The following GALNTL6 variants were observed in gnomAD, a reference collection of about 807,000 sequenced individuals.
The protein encoded by GALNTL6 is polypeptide N-acetylgalactosaminyltransferase-like 6.
In GALNTL6, 46 loss-of-function variants were observed where a neutral mutation model predicts 73.7. The ratio of observed to expected loss-of-function variants is 0.62; its 90% CI spans 0.49 to 0.80. The LOEUF is 0.80. Ranked by LOEUF, GALNTL6 falls within the 30% of genes least tolerant of loss-of-function variation. The pLI is 0.00. For synonymous variants in GALNTL6, 259 were observed against 263.7 expected (o/e 0.98, Z 0.17); for missense variants, 604 against 755.0 (o/e 0.80, Z 2.34).
Position 171,874,301 on chromosome 4 carries a change from C to T in GALNTL6, c.138+59583C>T, listed in dbSNP as rs189213672. Among the ~76,000 whole-genome samples, 732 of 152,240 alleles carry T rather than the reference C, an allele frequency of 4.8e-3. 6 individuals carry two copies. The highest frequency in any genetic ancestry group is 0.017 in the African/African-American group (713 of 41,554). On this transcript the variant is annotated intron_variant, in intron 2 of 12. Coordinates refer to ENST00000506823, the MANE Select transcript of GALNTL6 (RefSeq NM_001034845.3). ...CACGGCAACCTCCGCCTCCCAGGTT[C>T]AAGTGATTCTCCTGAGTAGCTGGGA...
intron 2 of GALNTL6, among the ~76,000 whole-genome samples, chr4:171,939,368 G>C (rs1008954850): frequency 6.6e-6 from 1 of 151,198 alleles, no homozygotes; most frequent in Non-Finnish European, 1.5e-5. Flanking sequence ...ACTATTCTTG[G>C]GTATTAGATA....
intron 2 of GALNTL6, among the ~76,000 whole-genome samples, chr4:171,942,332 G>A (rs2111015674): frequency 6.6e-6 from 1 of 152,082 alleles, no homozygotes; most frequent in South Asian, 2.1e-4. Flanking sequence ...TGCATAACAG[G>A]AAGGTTGGTA....
At chr4:171,864,875 C>A (rs935426243) in intron 2 of GALNTL6, among the ~76,000 whole-genome samples, 1 of 151,780 alleles carries the variant, frequency 6.6e-6, no homozygotes, top group Admixed American at 6.6e-5. Flanking sequence ...AAAATGGGAG[C>A]CAGTGAAAAG....
chr4:172,167,602 C>A (rs1419246217), intron 2 of GALNTL6, among the ~76,000 whole-genome samples: 1 of 152,086 alleles, frequency 6.6e-6, no homozygotes, highest in East Asian at 1.9e-4. Context: ...GTAAATGGAG[C>A]AAAAATTATA....
intron 2 of GALNTL6, among the ~76,000 whole-genome samples, chr4:172,137,463 G>C (rs376539248): frequency 1.2e-4 from 19 of 152,132 alleles, no homozygotes; most frequent in African/African-American, 4.3e-4. Flanking sequence ...CAGATAAATT[G>C]ACTGAAAGTT....
At chr4:171,824,043 T>TA (rs1734755605) in intron 2 of GALNTL6, among the ~76,000 whole-genome samples, 1 of 146,690 alleles carries the variant, frequency 6.8e-6, no homozygotes, top group Non-Finnish European at 1.5e-5. Context: ...GACACTGTAT[T>TA]AAACTGCTCT....
chr4:171,841,046 T>C (rs567466677), intron 2 of GALNTL6, among the ~76,000 whole-genome samples: 2 of 152,322 alleles, frequency 1.3e-5, no homozygotes, highest in African/African-American at 4.8e-5. Context: ...GAACCTCCGG[T>C]ACTTGTACCA....
intron 5 of GALNTL6, among the ~76,000 whole-genome samples, chr4:172,588,297 A>G (rs1390154538): frequency 2.0e-5 from 3 of 152,120 alleles, no homozygotes; most frequent in Admixed American, 2.0e-4. Context: ...AAGACACATT[A>G]AAAAAGATCT....
chr4:172,895,167 G>A (rs1220675774), intron 8 of GALNTL6, among the ~76,000 whole-genome samples: 2 of 151,104 alleles, frequency 1.3e-5, no homozygotes, highest in Admixed American at 1.3e-4. Context: ...CTTTTAATTG[G>A]AGAATTTAAT....
chr4:172,926,802 G>T (rs887402733), intron 8 of GALNTL6, among the ~76,000 whole-genome samples: 3 of 152,110 alleles, frequency 2.0e-5, no homozygotes, highest in Non-Finnish European at 2.9e-5. Flanking sequence ...AACACCTGCT[G>T]TCTAATTACT....
chr4:173,000,578 A>G lies in GALNTL6; in HGVS notation c.1372-8600A>G, dbSNP rs140595661. Among the ~76,000 whole-genome samples the G allele has an allele frequency of 3.9e-5, 6 of 152,334 alleles. No individual in the cohort carries two copies. The East Asian group carries it at 1.2e-3, about 29-fold the overall frequency. On this transcript the variant is annotated intron_variant, in intron 10 of 12. Transcript: ENST00000506823. The stretch of plus-strand genomic sequence containing the variant: ...ATCCTAAAATTTATATGGAATCTCA[A>G]AGGAACCTGAATAATGAAAACAATC...
chr4:172,139,430 G>T (rs1349917539), intron 2 of GALNTL6, among the ~76,000 whole-genome samples: 2 of 152,142 alleles, frequency 1.3e-5, no homozygotes, highest in Non-Finnish European at 2.9e-5. Context: ...TAACAGAACT[G>T]TTGAAAAACC....
intron 2 of GALNTL6, among the ~76,000 whole-genome samples, chr4:171,882,618 AAGCCGAAG>A (rs1736481459): frequency 1.3e-5 from 2 of 152,158 alleles, no homozygotes; most frequent in Admixed American, 1.3e-4. Context: ...AAGAGTCCAA[AAGCCGAAG>A]AGCTTAGAGT....
At chr4:173,027,365 G>T (rs1350409269) in intron 12 of GALNTL6, among the ~76,000 whole-genome samples, 1 of 152,178 alleles carries the variant, frequency 6.6e-6, no homozygotes, top group Non-Finnish European at 1.5e-5. Flanking sequence ...GATATATATT[G>T]ATAGAGACAT....
intron 3 of GALNTL6, among the ~76,000 whole-genome samples, chr4:172,265,870 T>G (rs1351361893): frequency 1.3e-5 from 2 of 152,068 alleles, no homozygotes; most frequent in African/African-American, 4.8e-5. Flanking sequence ...GAGACTGTTG[T>G]GATTTACAGC....
At chr4:172,072,902 T>C (rs1731585820) in intron 2 of GALNTL6, among the ~76,000 whole-genome samples, 1 of 152,192 alleles carries the variant, frequency 6.6e-6, no homozygotes, top group African/African-American at 2.4e-5. Flanking sequence ...CTATAAAATA[T>C]CAACTTTCTG....
intron 2 of GALNTL6, among the ~76,000 whole-genome samples, chr4:172,022,152 T>C (rs1353583471): frequency 1.3e-5 from 2 of 152,004 alleles, no homozygotes; most frequent in Non-Finnish European, 2.9e-5. Context: ...AGAGACAACC[T>C]ACAGACTGGG....
chr4:171,827,468 C>G (rs1346514220), intron 2 of GALNTL6, among the ~76,000 whole-genome samples: 2 of 152,140 alleles, frequency 1.3e-5, no homozygotes, highest in African/African-American at 4.8e-5. Context: ...ACAATTACTT[C>G]TTGTTCTGCA....
intron 2 of GALNTL6, among the ~76,000 whole-genome samples, chr4:172,095,979 CTCTTT>C (rs1560921317): frequency 1.3e-5 from 2 of 151,082 alleles, no homozygotes; most frequent in African/African-American, 4.9e-5. Context: ...TCTTTTCTCT[CTCTTT>C]TCTTTTCTCT....
Sources: gnomAD v4.1 joint callset for allele counts (sites outside exome capture counted in the v4.1 genomes callset) on GRCh38, gnomAD v4.1.1 for gene constraint, MANE v1.5 for transcripts, NCBI Gene and HGNC (gene_info 2026-07-23, HGNC 2026-07-21) for gene names.